KLHL29: variants seen among roughly 807,000 people sequenced by gnomAD.
KLHL29 encodes kelch-like protein 29.
A neutral mutation model predicts 80.4 loss-of-function variants in KLHL29; 21 were observed. The observed-to-expected ratio is 0.26, with a 90% confidence interval of 0.19 to 0.38. KLHL29 has a LOEUF of 0.38. KLHL29 is among the 10% of genes least tolerant of loss of function. The pLI, the probability that KLHL29 is intolerant of heterozygous loss-of-function variation, is 1.00. For missense variants in KLHL29, 867 were observed against 1,223.9 expected (o/e 0.71, Z 4.35); for synonymous variants, 511 against 526.8 (o/e 0.97, Z 0.41).
At chr2:23,615,259 G>T (rs1258041995) in intron 3 of KLHL29, among the ~76,000 whole-genome samples, 2 of 152,162 alleles carry the variant, frequency 1.3e-5, no homozygotes, top group Non-Finnish European at 2.9e-5. Context: ...CTCGACTTCT[G>T]CTCTTGTGTA....
chr2:23,396,976 C>G (rs535366995), intron 1 of KLHL29, among the ~76,000 whole-genome samples: 3 of 152,316 alleles, frequency 2.0e-5, no homozygotes, highest in African/African-American at 7.2e-5. Flanking sequence ...CACCACCTCA[C>G]TTGTGACCTT....
intron 3 of KLHL29, among the ~76,000 whole-genome samples, chr2:23,607,013 A>T (rs1668744636): frequency 6.6e-6 from 1 of 152,224 alleles, no homozygotes; most frequent in Non-Finnish European, 1.5e-5. Context: ...GGAAGGGGCA[A>T]GCTCTGGTCT....
chr2:23,635,043 A>T (rs1423673240), intron 3 of KLHL29, among the ~76,000 whole-genome samples: 1 of 152,230 alleles, frequency 6.6e-6, no homozygotes, highest in Non-Finnish European at 1.5e-5. Context: ...AGAGGTGAGA[A>T]CAAGCAAGGC....
At chr2:23,592,696 G>C (rs1389741892) in intron 3 of KLHL29, among the ~76,000 whole-genome samples, 3 of 152,242 alleles carry the variant, frequency 2.0e-5, no homozygotes, top group Non-Finnish European at 4.4e-5. Flanking sequence ...GCCCAAAAGA[G>C]AGGGAAGAAC....
chr2:23,614,797 C>T (rs1668959359), intron 3 of KLHL29, among the ~76,000 whole-genome samples: 1 of 152,014 alleles, frequency 6.6e-6, no homozygotes, highest in African/African-American at 2.4e-5. Context: ...ATTGCAGGCT[C>T]CAGGCTGAGG....
chr2:23,628,935 T>C (rs1332152527), intron 3 of KLHL29, among the ~76,000 whole-genome samples: 1 of 152,096 alleles, frequency 6.6e-6, no homozygotes, highest in African/African-American at 2.4e-5. Flanking sequence ...AGTTGGAAAA[T>C]GTCCTATCAA....
intron 5 of KLHL29, among the ~76,000 whole-genome samples, chr2:23,645,347 T>G (rs1251782277): frequency 6.6e-6 from 1 of 152,160 alleles, no homozygotes; most frequent in African/African-American, 2.4e-5. Flanking sequence ...CTAGGGATTT[T>G]ACATCTCTGA....
chr2:23,509,377 A>G (rs907914002), intron 2 of KLHL29, among the ~76,000 whole-genome samples: 6 of 151,936 alleles, frequency 3.9e-5, no homozygotes, highest in African/African-American at 9.7e-5. Flanking sequence ...TGGAGAGTCT[A>G]CCCTTCCCTT....
Position 23,560,685 on chromosome 2 carries a change from C to T in KLHL29, c.-45-1467C>T, listed in dbSNP as rs138831476. The stretch of plus-strand genomic sequence containing the variant: ...AAGTTATGGTCAGCTCTGTTTCAGG[C>T]GGGGCTGCAGGCTTCACCTGGGCTG... On this transcript the variant is annotated intron_variant, in intron 2 of 13. Coordinates refer to ENST00000486442, the MANE Select transcript of KLHL29 (RefSeq NM_052920.2). 6.6e-5 allele frequency among the ~76,000 whole-genome samples: 10 copies of T among 152,322 alleles called. No individual in the cohort carries two copies. The East Asian group carries it at 1.3e-3, about 21-fold the overall frequency.
At chr2:23,506,021 G>A (rs1280109084) in intron 2 of KLHL29, among the ~76,000 whole-genome samples, 1 of 152,206 alleles carries the variant, frequency 6.6e-6, no homozygotes, top group Non-Finnish European at 1.5e-5. Flanking sequence ...CGACCACGAG[G>A]ACCATGCTGG....
At chr2:23,606,139 AGT>A (rs752777554) in intron 3 of KLHL29, among the ~76,000 whole-genome samples, 5 of 146,830 alleles carry the variant, frequency 3.4e-5, no homozygotes, top group Admixed American at 6.8e-5. Flanking sequence ...TCCGTGAGCT[AGT>A]GTGTGTGTGT....
intron 5 of KLHL29, among the ~76,000 whole-genome samples, chr2:23,678,103 A>G (rs1316915249): frequency 4.6e-5 from 7 of 152,360 alleles, no homozygotes; most frequent in African/African-American, 1.7e-4. Flanking sequence ...CGAGCCCATT[A>G]GTCTCTGACA....
At chr2:23,460,364 A>T (rs935532030) in intron 1 of KLHL29, among the ~76,000 whole-genome samples, 4 of 152,048 alleles carry the variant, frequency 2.6e-5, no homozygotes, top group Non-Finnish European at 5.9e-5. Context: ...TCCCCATCCT[A>T]GGAGACATTG....
intron 1 of KLHL29, among the ~76,000 whole-genome samples, chr2:23,388,720 G>A (rs888858536): frequency 7.2e-5 from 11 of 152,076 alleles, no homozygotes; most frequent in Admixed American, 7.2e-4. Context: ...GTTTCTAAAA[G>A]CCTACACTAT....
At chr2:23,390,716 A>G (rs542141429) in intron 1 of KLHL29, among the ~76,000 whole-genome samples, 6 of 150,206 alleles carry the variant, frequency 4.0e-5, no homozygotes, top group South Asian at 2.1e-4. Flanking sequence ...CAATGACACA[A>G]TCTTGGCTCG....
chr2:23,641,514 C>T (rs975401155), intron 4 of KLHL29, among the ~76,000 whole-genome samples: 2 of 152,210 alleles, frequency 1.3e-5, no homozygotes, highest in Non-Finnish European at 2.9e-5. Flanking sequence ...CCCTCAGAGG[C>T]GAGCTTGCAG....
At chr2:23,500,968 C>T (rs1026927258) in intron 2 of KLHL29, among the ~76,000 whole-genome samples, 4 of 152,136 alleles carry the variant, frequency 2.6e-5, no homozygotes, top group Admixed American at 2.6e-4. Context: ...TGTTTGTCTG[C>T]GGCGGAGCAT....
At chr2:23,436,280 TTGTGTGTGTGTGTGTGTGTG>T (rs57931176) in intron 1 of KLHL29, among the ~76,000 whole-genome samples, 49 of 137,040 alleles carry the variant, frequency 3.6e-4, no homozygotes, top group East Asian at 3.0e-3. Flanking sequence ...CCAATCAGCT[TTGTGTGTGTGTGTGTGTGTG>T]TGTGTGTGTG....
intron 1 of KLHL29, among the ~76,000 whole-genome samples, chr2:23,396,029 G>T (rs1351927103): frequency 6.6e-6 from 1 of 152,228 alleles, no homozygotes; most frequent in Non-Finnish European, 1.5e-5. Flanking sequence ...AAACCTAGCT[G>T]CAGTTGTCTT....
Sources: gnomAD v4.1 joint callset for allele counts (sites outside exome capture counted in the v4.1 genomes callset) on GRCh38, gnomAD v4.1.1 for gene constraint, MANE v1.5 for transcripts, NCBI Gene and HGNC (gene_info 2026-07-23, HGNC 2026-07-21) for gene names.